The following MAML3 variants were observed in gnomAD, a reference collection of about 807,000 sequenced individuals.
MAML3 encodes the protein mastermind like transcriptional coactivator 3.
MAML3 carries 27 observed loss-of-function variants against 101.9 expected under a neutral mutation model. The ratio of observed to expected loss-of-function variants is 0.27; its 90% CI spans 0.20 to 0.37. The LOEUF is 0.37. Among genes scored for constraint, MAML3 ranks in the 10% least tolerant of loss-of-function variants. The probability of loss-of-function intolerance (pLI) is 1.00; values close to 1 mark genes in which losing one functional copy is unlikely to be tolerated. For synonymous variants in MAML3, 501 were observed against 555.9 expected, an observed-to-expected ratio of 0.90 and a Z score of 1.39; for missense variants, 1,316 against 1,444.9, an observed-to-expected ratio of 0.91 and a Z score of 1.45.
Position 140,091,928 on chromosome 4 carries a change from C to T in MAML3, c.468+60932G>A, listed in dbSNP as rs1728058373. ...CACTCTGAGCAGGTAAAACAGCAGG[C>T]CATAGTTTTATTTATTTCCTATCTA... is the stretch of plus-strand genomic sequence containing the variant. On this transcript the variant is annotated intron_variant, in intron 1 of 4. Coordinates refer to ENST00000509479, the MANE Select transcript of MAML3 (RefSeq NM_018717.5). 2.0e-5 allele frequency among the ~76,000 whole-genome samples: 3 copies of T among 151,892 alleles called. No individual in the cohort carries two copies. The South Asian group carries it at 6.2e-4, about 32-fold the overall frequency.
At chr4:139,930,162 G>T (rs893477804) in intron 1 of MAML3, among the ~76,000 whole-genome samples, 31 of 152,194 alleles carry the variant, frequency 2.0e-4, no homozygotes, top group Non-Finnish European at 1.5e-4. Context: ...AGAAGATAAA[G>T]ACATTATTTA....
chr4:140,033,501 A>C (rs1056965683), intron 1 of MAML3, among the ~76,000 whole-genome samples: 6 of 152,232 alleles, frequency 3.9e-5, no homozygotes, highest in African/African-American at 1.4e-4. Flanking sequence ...AAGGCTGGGC[A>C]GGCCCAGCCT....
intron 2 of MAML3, among the ~76,000 whole-genome samples, chr4:139,753,557 A>G (rs1211193251): frequency 6.6e-6 from 1 of 152,188 alleles, no homozygotes; most frequent in Non-Finnish European, 1.5e-5. Context: ...TGAGTCTAAA[A>G]CTACCATGAA....
intron 1 of MAML3, among the ~76,000 whole-genome samples, chr4:140,040,891 C>T (rs1047185485): frequency 2.6e-5 from 4 of 152,066 alleles, no homozygotes; most frequent in African/African-American, 9.7e-5. Context: ...TGAGCTAATA[C>T]ATTTAATTCA....
At position 139,719,187 on chromosome 4, in the gene MAML3, C is replaced by T. The variant is rs910561039; in HGVS notation, c.*136G>A. 5.0e-6 allele frequency: 5 copies of T among 996,168 alleles called. No individual in the cohort carries two copies. The highest frequency in any genetic ancestry group is 3.3e-5 in the African/African-American group (2 of 61,012). The allele number at this position is 996,168 out of a possible 1,614,324, so 61.7% of individuals were successfully genotyped here. A position where few individuals can be genotyped will look rare whatever the true frequency, so the allele number is the denominator to read the frequency against. On this transcript the variant is annotated 3_prime_UTR_variant, in exon 5 of 5. Coordinates refer to ENST00000509479, the MANE Select transcript of MAML3 (RefSeq NM_018717.5). ...GCTGTGGATTGGCACCTGGATCTTCCATTGTCAGCCAGCTGCAGTTTTGCT... is the reference window on the plus strand; with the variant it reads ...GCTGTGGATTGGCACCTGGATCTTCTATTGTCAGCCAGCTGCAGTTTTGCT...
At chr4:139,910,067 G>T (rs1732891116) in intron 1 of MAML3, among the ~76,000 whole-genome samples, 1 of 152,118 alleles carries the variant, frequency 6.6e-6, no homozygotes, top group South Asian at 2.1e-4. Context: ...AAACAAAGAA[G>T]AATAATTTGT....
At chr4:140,123,384 A>T (rs893305476) in intron 1 of MAML3, among the ~76,000 whole-genome samples, 1 of 152,220 alleles carries the variant, frequency 6.6e-6, no homozygotes, top group African/African-American at 2.4e-5. Context: ...TTCATAGTAC[A>T]TGTCACTACT....
At chr4:140,136,430 G>C (rs1364800653) in intron 1 of MAML3, among the ~76,000 whole-genome samples, 13 of 152,166 alleles carry the variant, frequency 8.5e-5, no homozygotes, top group Admixed American at 5.2e-4. Flanking sequence ...ATTTAACCCA[G>C]GGAGAAAGGG....
chr4:140,010,818 T>C (rs6812893), intron 1 of MAML3, among the ~76,000 whole-genome samples: 138,191 of 152,044 alleles, frequency 0.91, 64,113 homozygotes, highest in East Asian at 1. Context: ...ACAATATACA[T>C]GAGGCCAGCC....
intron 1 of MAML3, among the ~76,000 whole-genome samples, chr4:139,892,856 G>A (rs1285527526): frequency 1.3e-5 from 2 of 151,486 alleles, no homozygotes; most frequent in Non-Finnish European, 2.9e-5. Context: ...GCATGAACCC[G>A]GGAGGTGGAG....
intron 1 of MAML3, among the ~76,000 whole-genome samples, chr4:139,966,007 A>C (rs1373762099): frequency 1.3e-5 from 2 of 152,224 alleles, no homozygotes; most frequent in Admixed American, 6.5e-5. Flanking sequence ...AAACATTTGC[A>C]TCATAACTAT....
chr4:139,889,326 T>G, intron 2 of MAML3, 31 bp downstream of exon 2: 1 of 1,613,964 alleles, frequency 6.2e-7, no homozygotes. Flanking sequence ...CCACAAGAAC[T>G]GCTCGAAGAG....
At chr4:139,936,801 C>T (rs796708689) in intron 1 of MAML3, among the ~76,000 whole-genome samples, 9 of 152,278 alleles carry the variant, frequency 5.9e-5, no homozygotes, top group African/African-American at 1.9e-4. Flanking sequence ...CTCAACAAAG[C>T]CACTTAAATA....
intron 1 of MAML3, among the ~76,000 whole-genome samples, chr4:140,152,093 C>A (rs114291636): frequency 1.9e-4 from 29 of 152,300 alleles, no homozygotes; most frequent in Middle Eastern, 6.8e-3. Flanking sequence ...CTCCCGCCCC[C>A]TCCAGGCCGC....
At chr4:140,082,482 C>T (rs762006840) in intron 1 of MAML3, among the ~76,000 whole-genome samples, 55 of 152,202 alleles carry the variant, frequency 3.6e-4, no homozygotes, top group African/African-American at 9.2e-4. Context: ...TGCTTCCCAG[C>T]GTCCTTCCTC....
At chr4:139,927,249 C>T (rs1371552493) in intron 1 of MAML3, among the ~76,000 whole-genome samples, 1 of 151,830 alleles carries the variant, frequency 6.6e-6, no homozygotes, top group Non-Finnish European at 1.5e-5. Flanking sequence ...AATGAGGTTA[C>T]GTATTTTTAG....
chr4:139,881,765 G>A (rs912934044), intron 2 of MAML3, among the ~76,000 whole-genome samples: 3 of 152,168 alleles, frequency 2.0e-5, no homozygotes, highest in African/African-American at 4.8e-5. Context: ...GCAGTGGTGC[G>A]ATCTCCGCTC....
chr4:140,143,343 A>G (rs1729005990), intron 1 of MAML3, among the ~76,000 whole-genome samples: 2 of 152,246 alleles, frequency 1.3e-5, no homozygotes, highest in African/African-American at 4.8e-5. Context: ...GCATTTGGGC[A>G]GAAGGCAACA....
intron 1 of MAML3, among the ~76,000 whole-genome samples, chr4:139,900,538 C>T (rs751607234): frequency 1.6e-4 from 25 of 152,148 alleles, no homozygotes; most frequent in Non-Finnish European, 2.5e-4. Context: ...TGGCTTTCTC[C>T]CAGTGGAATG....
Sources: gnomAD v4.1 joint callset for allele counts (sites outside exome capture counted in the v4.1 genomes callset) on GRCh38, gnomAD v4.1.1 for gene constraint, MANE v1.5 for transcripts, NCBI Gene and HGNC (gene_info 2026-07-23, HGNC 2026-07-21) for gene names.